Variants in FBXL7 observed in about 807,000 individuals in gnomAD.
FBXL7 encodes F-box/LRR-repeat protein 7.
In FBXL7, 12 loss-of-function variants were observed where a neutral mutation model predicts 38.3. The observed-to-expected ratio is 0.31, with a 90% CI of 0.20 to 0.51. The LOEUF (loss-of-function observed/expected upper bound fraction) is 0.51. Among genes scored for constraint, FBXL7 ranks in the 20% least tolerant of loss-of-function variants. FBXL7 has a pLI of 0.98. For missense variants in FBXL7, 567 were observed against 676.4 expected, an observed-to-expected ratio of 0.84 and a Z score of 1.79; for synonymous variants, 297 against 300.9, an observed-to-expected ratio of 0.99 and a Z score of 0.13.
intron 2 of FBXL7, among the ~76,000 whole-genome samples, chr5:15,919,430 AT>A (rs34814512): frequency 0.33 from 50,765 of 151,892 alleles, 8,838 homozygotes; most frequent in Admixed American, 0.51. Flanking sequence ...AGTTTTTAGG[AT>A]TTTTTTTCCC....
chr5:15,631,325 C>T (rs1740990136), intron 2 of FBXL7, among the ~76,000 whole-genome samples: 1 of 151,966 alleles, frequency 6.6e-6, no homozygotes, highest in African/African-American at 2.4e-5. Flanking sequence ...TGAGGACGTC[C>T]AGGATAGTTT....
At chr5:15,614,079 A>G (rs903389585) in intron 1 of FBXL7, among the ~76,000 whole-genome samples, 2 of 152,158 alleles carry the variant, frequency 1.3e-5, no homozygotes, top group African/African-American at 4.8e-5. Context: ...TAGGATTTCA[A>G]CATGTGAATT....
At chr5:15,855,545 G>T (rs1401772606) in intron 2 of FBXL7, among the ~76,000 whole-genome samples, 1 of 151,988 alleles carries the variant, frequency 6.6e-6, no homozygotes, top group African/African-American at 2.4e-5. Context: ...CTGATCGTAG[G>T]AAAAATGATA....
chr5:15,506,194 A>C (rs1487378909), intron 1 of FBXL7, among the ~76,000 whole-genome samples: 1 of 151,806 alleles, frequency 6.6e-6, no homozygotes, highest in African/African-American at 2.4e-5. Context: ...AATTGCCAGC[A>C]TCATTCCTGT....
chr5:15,864,788 C>G (rs1216628711), intron 2 of FBXL7, among the ~76,000 whole-genome samples: 1 of 152,256 alleles, frequency 6.6e-6, no homozygotes, highest in Non-Finnish European at 1.5e-5. Context: ...TCAGTAGATT[C>G]TAATTTCTAT....
At chr5:15,580,597 C>T (rs1254567814) in intron 1 of FBXL7, 7 of 984,012 alleles carry the variant, frequency 7.1e-6, no homozygotes, top group Non-Finnish European at 8.4e-6. Context: ...CACTATTTGA[C>T]TCCTTTCTTT....
intron 2 of FBXL7, among the ~76,000 whole-genome samples, chr5:15,653,961 GA>G (rs1218158107): frequency 2.0e-5 from 3 of 152,060 alleles, no homozygotes; most frequent in Non-Finnish European, 4.4e-5. Context: ...CCCATTTACT[GA>G]AAACATTAAA....
rs147390105 is a variant in FBXL7 at position 15,834,629 on chromosome 5, T to A, written c.128-93261T>A. On this transcript the variant is annotated intron_variant, in intron 2 of 3. Coordinates refer to ENST00000504595, the MANE Select transcript of FBXL7 (RefSeq NM_012304.5). ...GATAGAGGAGAAGCTCTCCAGACAA[T>A]CTTAAATGCACATCTTTCTGATTAT... is the stretch of plus-strand genomic sequence containing the variant. Among the ~76,000 whole-genome samples the A allele has an allele frequency of 7.6e-4, 115 of 152,308 alleles. No individual in the cohort carries two copies. In the East Asian group the frequency reaches 0.019, roughly 25 times the overall value.
At chr5:15,879,638 G>A (rs1740357971) in intron 2 of FBXL7, among the ~76,000 whole-genome samples, 1 of 152,146 alleles carries the variant, frequency 6.6e-6, no homozygotes. Context: ...GTGACAGATG[G>A]CTTGCCTACA....
At chr5:15,847,717 G>A (rs1738953593) in intron 2 of FBXL7, among the ~76,000 whole-genome samples, 2 of 152,070 alleles carry the variant, frequency 1.3e-5, no homozygotes, top group Non-Finnish European at 2.9e-5. Flanking sequence ...ATCCAAGGAG[G>A]ACCTGACCTA....
chr5:15,516,522 A>T (rs1736941469), intron 1 of FBXL7, among the ~76,000 whole-genome samples: 1 of 152,104 alleles, frequency 6.6e-6, no homozygotes, highest in Non-Finnish European at 1.5e-5. Flanking sequence ...AATTCAATAT[A>T]TTTGTAGGTA....
chr5:15,635,393 GA>G (rs1272748779), intron 2 of FBXL7, among the ~76,000 whole-genome samples: 1 of 152,138 alleles, frequency 6.6e-6, no homozygotes, highest in Non-Finnish European at 1.5e-5. Flanking sequence ...ACCGAAAGTG[GA>G]AGCTGCTGGT....
intron 2 of FBXL7, among the ~76,000 whole-genome samples, chr5:15,653,100 G>A (rs1741767001): frequency 1.3e-5 from 2 of 152,260 alleles, no homozygotes; most frequent in South Asian, 4.1e-4. Flanking sequence ...ACAGTTTGTG[G>A]TGCTGCAAAA....
At chr5:15,683,519 T>C (rs1035639114) in intron 2 of FBXL7, among the ~76,000 whole-genome samples, 4 of 152,168 alleles carry the variant, frequency 2.6e-5, no homozygotes, top group African/African-American at 9.7e-5. Flanking sequence ...TTTAAGGAGA[T>C]ATAAACCATG....
Position 15,928,751 on chromosome 5 carries a change from T to G in FBXL7, c.739+250T>G, listed in dbSNP as rs1276809492. 6.6e-6 allele frequency among the ~76,000 whole-genome samples: 1 copy of G among 152,172 alleles called. No individual in the cohort carries two copies. Among genetic ancestry groups the G allele is most frequent in the Non-Finnish European group, 1.5e-5 (1 of 68,032 alleles). ...ATTATACTTTAAGTTTTAGGGTACA[T>G]GTGCACAACGTGCAGGTTAGTTACA... On this transcript the variant is annotated intron_variant, in intron 3 of 3. Transcript: ENST00000504595. This position sits in a 1 kb window ranked among gnomAD's most constrained non-coding sequence, Gnocchi z 4.0.
intron 2 of FBXL7, among the ~76,000 whole-genome samples, chr5:15,890,012 G>C (rs1378927164): frequency 6.6e-6 from 1 of 152,096 alleles, no homozygotes; most frequent in Non-Finnish European, 1.5e-5. Context: ...TAGAATGAAA[G>C]AAAAAGTTCT....
rs532795713 is a variant in FBXL7, at chr5:15,839,883, G to C, written c.128-88007G>C. Among the ~76,000 whole-genome samples the C allele has an allele frequency of 3.9e-5, 6 of 152,224 alleles. No individual in the cohort carries two copies. The East Asian group carries it at 1.2e-3, about 29-fold the overall frequency. On this transcript the variant is annotated intron_variant, in intron 2 of 3. Transcript: ENST00000504595. ...TTGCAGTGTTTTACCCCAACAGGGT[G>C]ACTGCTTAATAAAAGAAGAAAAATC...
Position 15,540,094 on chromosome 5 carries a change from C to T in FBXL7, c.37+39381C>T, listed in dbSNP as rs563161585. On this transcript the variant is annotated intron_variant, in intron 1 of 3. Coordinates refer to ENST00000504595, the MANE Select transcript of FBXL7 (RefSeq NM_012304.5). ...GCAAATCCCAGGGTAGAAGTACCTTCAGCTTCATCAACAAGGAAAATATCA... is the reference window on the plus strand; with the variant it reads ...GCAAATCCCAGGGTAGAAGTACCTTTAGCTTCATCAACAAGGAAAATATCA... 3.1e-3 allele frequency among the ~76,000 whole-genome samples: 478 copies of T among 152,276 alleles called. 1 individual carries two copies. The highest frequency in any genetic ancestry group is 2.4e-3 in the Non-Finnish European group (164 of 68,020).
chr5:15,508,054 T>C (rs1368662872), intron 1 of FBXL7, among the ~76,000 whole-genome samples: 2 of 151,950 alleles, frequency 1.3e-5, no homozygotes, highest in South Asian at 4.2e-4. Context: ...AAAAAACATA[T>C]ATATCTTAAG....
Sources: allele counts gnomAD v4.1 joint callset (sites outside exome capture counted in the v4.1 genomes callset), GRCh38; gene constraint gnomAD v4.1.1; non-coding constraint Gnocchi (gnomAD v3.1); transcripts MANE v1.5; gene names NCBI Gene and HGNC (gene_info 2026-07-23, HGNC 2026-07-21).